SHANK1: variants seen among roughly 807,000 people sequenced by gnomAD.
The protein encoded by SHANK1 is SH3 and multiple ankyrin repeat domains 1.
SHANK1 carries 35 observed loss-of-function variants against 165.6 expected under a neutral mutation model. The ratio of observed to expected loss-of-function variants is 0.21; its 90% confidence interval spans 0.16 to 0.28. SHANK1 has a LOEUF of 0.28. SHANK1 is among the 10% of genes least tolerant of loss of function. The pLI is 1.00. For missense variants in SHANK1, 2,681 were observed against 3,036.4 expected, an observed-to-expected ratio of 0.88 and a Z score of 2.75; for synonymous variants, 1,428 against 1,384.8, an observed-to-expected ratio of 1.03 and a Z score of -0.69.
intron 15 of SHANK1, among the ~76,000 whole-genome samples, chr19:50,696,628 C>T (rs572980024): frequency 7.2e-5 from 11 of 152,114 alleles, no homozygotes; most frequent in African/African-American, 2.4e-4. Context: ...CCTCCTCTGC[C>T]CTTCCCTCCC....
chr19:50,668,604 T>C lies in SHANK1; in HGVS notation c.3356A>G (p.Glu1119Gly). The C allele has an allele frequency of 1.5e-6, 2 of 1,370,898 alleles. No individual in the cohort carries two copies. The highest frequency in any genetic ancestry group is 3.2e-5 in the Admixed American group (1 of 31,238). 84.9% of individuals were successfully genotyped at this position (1,370,898 alleles called of 1,614,324 possible). The change falls in exon 23 of 24, where the codon GAG becomes GGG. Residue 1119 changes from glutamate to glycine, a missense_variant. Transcript: ENST00000293441. ...CGGGAGGCCGCCGCCCTTCTGGGGC[T>C]CGCCTTCCACCTTGGTCTGCTTGAC... ...PLVKQTKVEG[E>G]PQKGGGLPPA...
rs1264591617 is a variant in SHANK1 at position 50,687,546 on chromosome 19, C to A, written c.2389+36G>T. 3 of 1,520,446 alleles carry A rather than the reference C, an allele frequency of 2.0e-6. No homozygotes were observed. In the South Asian group the frequency reaches 3.7e-5, roughly 19 times the overall value. The allele number at this position is 1,520,446 out of a possible 1,614,324, so 94.2% of individuals were successfully genotyped here. A position where few individuals can be genotyped will look rare whatever the true frequency, so the allele number is the denominator to read the frequency against. On this transcript the variant is annotated intron_variant, in intron 19 of 23. Transcript: ENST00000293441. ...GGTCCAGCCCTCCTTCCCCTCTCCCCCCGGCCCCCTGGCCTCAGCAGCCCC... is the reference window on the plus strand; with the variant it reads ...GGTCCAGCCCTCCTTCCCCTCTCCCACCGGCCCCCTGGCCTCAGCAGCCCC...
At position 50,689,990 on chromosome 19, in the gene SHANK1, A is replaced by T. The variant is rs545783777; in HGVS notation, c.1965-711T>A. Among the ~76,000 whole-genome samples the T allele has an allele frequency of 3.2e-3, 494 of 152,294 alleles. 2 individuals are homozygous for T. Among genetic ancestry groups the T allele is most frequent in the African/African-American group, 0.011 (475 of 41,532 alleles). ...ATGAAAGCTAATCAAAATCAAATGG[A>T]AAAATTCAATTCCTCAGTCACAGTG... On this transcript the variant is annotated intron_variant, in intron 15 of 23. Coordinates refer to ENST00000293441, the MANE Select transcript of SHANK1 (RefSeq NM_016148.5).
chr19:50,677,289 A>G lies in SHANK1; in HGVS notation c.2578-5175T>C, dbSNP rs192044912. Among the ~76,000 whole-genome samples the G allele has an allele frequency of 6.8e-3, 1,041 of 152,022 alleles. 7 individuals carry two copies. The highest frequency in any genetic ancestry group is 0.031 in the Middle Eastern group (9 of 294). On this transcript the variant is annotated intron_variant, in intron 21 of 23. Transcript: ENST00000293441. The stretch of plus-strand genomic sequence containing the variant: ...ACTATAGGTTCCCACCACCACACCC[A>G]GCTAATTTTTGTATTTTTAGTAGAG...
In SHANK1 at chr19:50,666,977, T is replaced by G. The variant is rs765336600; in HGVS notation, c.4983A>C (p.Pro1661=). The change falls in exon 23 of 24, where the codon CCA becomes CCC. Residue 1661 remains proline, a synonymous_variant. Coordinates refer to ENST00000293441, the MANE Select transcript of SHANK1 (RefSeq NM_016148.5). ...CAGGCGGAGGGTCCGGGCCAGGCTG[T>G]GGGGCAGCGGGAGCCGGTGCTGCTG... ...PAPAAPAPAA[P]QPGPDPPPGT... is the part of the protein sequence containing the mutation. 6.3e-7 allele frequency: 1 copy of G among 1,581,838 alleles called. No homozygotes were observed. Among genetic ancestry groups the G allele is most frequent in the South Asian group, 1.2e-5 (1 of 86,696 alleles).
Position 50,667,090 on chromosome 19 carries a change from G to C in SHANK1, c.4870C>G (p.Leu1624Val). 4 of 1,559,334 alleles carry C rather than the reference G, an allele frequency of 2.6e-6. No individual in the cohort carries two copies. In the South Asian group the frequency reaches 4.7e-5, roughly 18 times the overall value. ...GCCACCTCGCTGTCATAGGATGTCA[G>C]GCTGGATGCGGTGGAGTCCAGGGTG... ...PPTLDSTASS[L>V]TSYDSEVATL... The change falls in exon 23 of 24, where the codon CTG becomes GTG. Residue 1624 changes from leucine (L) to valine (V), a missense_variant. Physicochemically the swap from Leu to Val is conservative, Grantham distance 32. Around this residue, in one of 10 missense-constraint regions of SHANK1, gnomAD observed 1,713 missense variants for 1,630.2 expected, o/e 1.05. Coordinates refer to ENST00000293441, the MANE Select transcript of SHANK1 (RefSeq NM_016148.5). This position sits in a 1 kb window ranked among gnomAD's most constrained non-coding sequence, Gnocchi z 5.7.
At chr19:50,680,888 T>C (rs1986157366) in intron 21 of SHANK1, among the ~76,000 whole-genome samples, 1 of 152,172 alleles carries the variant, frequency 6.6e-6, no homozygotes, top group African/African-American at 2.4e-5. Context: ...ACTCCTGACC[T>C]CAGGTGATCC....
Position 50,668,033 on chromosome 19 carries a change from G to T in SHANK1, c.3927C>A (p.Gly1309=). 1 of 1,476,886 alleles carries T rather than the reference G, an allele frequency of 6.8e-7. No homozygotes were observed. Among genetic ancestry groups the T allele is most frequent in the East Asian group, 3.0e-5 (1 of 33,576 alleles). The allele number at this position is 1,476,886 out of a possible 1,614,324, so 91.5% of individuals were successfully genotyped here. ...GGCTACCGGCCCCGTAGCCGCCGTA[G>T]CCCGCGCCGCTGCCCGCAGACTCCA... ...LRLESAGSGA[G]YGGYGAGSRA... is the part of the protein sequence containing the mutation. Residue 1309 remains glycine, a synonymous_variant, in exon 23 of 24, where the codon GGC becomes GGA. Coordinates refer to ENST00000293441, the MANE Select transcript of SHANK1 (RefSeq NM_016148.5).
chr19:50,687,506 A>G lies in SHANK1; in HGVS notation c.2389+76T>C, dbSNP rs1435898813. The G allele has an allele frequency of 1.3e-5, 16 of 1,187,774 alleles. No homozygotes were observed. The Admixed American group carries it at 1.6e-4, about 12-fold the overall frequency. The allele number at this position is 1,187,774 out of a possible 1,614,324, so 73.6% of individuals were successfully genotyped here. A position where few individuals can be genotyped will look rare whatever the true frequency, so the allele number is the denominator to read the frequency against. ...GGACCCCTGGTCACTAACAACACTA[A>G]CGAACTCAAGGGATGGTCCAGCCCT... is the stretch of plus-strand genomic sequence containing the variant. On this transcript the variant is annotated intron_variant, in intron 19 of 23. Coordinates refer to ENST00000293441, the MANE Select transcript of SHANK1 (RefSeq NM_016148.5).
intron 15 of SHANK1, among the ~76,000 whole-genome samples, chr19:50,694,887 C>T (rs570932802): frequency 6.6e-6 from 1 of 150,524 alleles, no homozygotes; most frequent in African/African-American, 2.4e-5. Context: ...AAGCAGGAGG[C>T]GGCGCGCTCC....
At chr19:50,698,180 C>T (rs531603124) in intron 12 of SHANK1, among the ~76,000 whole-genome samples, 47 of 148,308 alleles carry the variant, frequency 3.2e-4, no homozygotes, top group Admixed American at 1.7e-3. Flanking sequence ...TTGGGGAAGA[C>T]GACTGTTCCA....
intron 8 of SHANK1, among the ~76,000 whole-genome samples, chr19:50,708,359 C>CA (rs2088969892): frequency 6.6e-6 from 1 of 152,274 alleles, no homozygotes; most frequent in African/African-American, 2.4e-5. Context: ...GTGTGCAAGT[C>CA]AGAGTTGATG....
intron 15 of SHANK1, among the ~76,000 whole-genome samples, chr19:50,693,858 C>T (rs987660463): frequency 6.6e-6 from 1 of 152,106 alleles, no homozygotes; most frequent in Admixed American, 6.5e-5. Flanking sequence ...CATGCACAGA[C>T]CCCCGGGGGC....
Position 50,665,742 on chromosome 19 carries a change from A to AAAAAG in SHANK1, c.5768+449_5768+450insCTTTT, listed in dbSNP as rs566195764. 9.0e-4 allele frequency among the ~76,000 whole-genome samples: 133 copies of AAAAAG among 147,580 alleles called. 2 individuals carry two copies. The highest frequency in any genetic ancestry group is 6.0e-3 in the South Asian group (28 of 4,654). On this transcript the variant is annotated intron_variant, in intron 23 of 23. Coordinates refer to ENST00000293441, the MANE Select transcript of SHANK1 (RefSeq NM_016148.5). ...ACAGAGTGAGACCCTGTTTCTAAAA[A>AAAAAG]AAAAAAAAAAGCCAGGCATGTTGGC...
At position 50,686,919 on chromosome 19, in the gene SHANK1, G is replaced by T; in HGVS notation, c.2390-107C>A. 7.0e-7 allele frequency: 1 copy of T among 1,423,254 alleles called. No homozygotes were observed. The highest frequency in any genetic ancestry group is 9.5e-7 in the Non-Finnish European group (1 of 1,057,736). 88.2% of individuals were successfully genotyped at this position (1,423,254 alleles called of 1,614,324 possible). Reference sequence around the variant, plus strand: ...AGGTGCGGGCCAGTGGGCGTGGCGGGCGCGAGAGGGGCAGTGAGGGGCCGG... The same window carrying T: ...AGGTGCGGGCCAGTGGGCGTGGCGGTCGCGAGAGGGGCAGTGAGGGGCCGG... On this transcript the variant is annotated intron_variant, in intron 19 of 23. Transcript: ENST00000293441. This position sits in a 1 kb window ranked among gnomAD's most constrained non-coding sequence, Gnocchi z 5.7.
intron 21 of SHANK1, among the ~76,000 whole-genome samples, chr19:50,672,555 C>CAAATA (rs1985834473): frequency 2.8e-5 from 1 of 35,508 alleles, no homozygotes; most frequent in Non-Finnish European, 5.4e-5. Flanking sequence ...GACTCTGTCT[C>CAAATA]AAAAAAAAAA....
intron 21 of SHANK1, among the ~76,000 whole-genome samples, chr19:50,685,687 G>T (rs1986309963): frequency 6.6e-6 from 1 of 152,122 alleles, no homozygotes; most frequent in East Asian, 1.9e-4. Context: ...TTGCCCCACT[G>T]CACTCCAGCC....
At chr19:50,664,958 C>T (rs1018321080) in intron 23 of SHANK1, among the ~76,000 whole-genome samples, 10 of 152,118 alleles carry the variant, frequency 6.6e-5, no homozygotes, top group South Asian at 2.1e-4. Context: ...GGGGTTTCAC[C>T]GTGTTAGCCA....
chr19:50,715,675 G>A lies in SHANK1; in HGVS notation c.515C>T (p.Ala172Val). Reference sequence around the variant, plus strand: ...TTTTCTCACCTTCGTGTGCAACTTGGCCAGCTGCTTCTCATCCAGGTTGGT... The same window carrying A: ...TTTTCTCACCTTCGTGTGCAACTTGACCAGCTGCTTCTCATCCAGGTTGGT... ...KQTNLDEKQL[A>V]KLHTKTGLKK... is the part of the protein sequence containing the mutation. The change falls in exon 4 of 24, where the codon GCC becomes GTC. Residue 172 changes from alanine to valine, a missense_variant. Physicochemically the swap from Ala to Val is moderately conservative, Grantham distance 64. Coordinates refer to ENST00000293441, the MANE Select transcript of SHANK1 (RefSeq NM_016148.5). 1 of 1,614,054 alleles carries A rather than the reference G, an allele frequency of 6.2e-7. No homozygotes were observed. The highest frequency in any genetic ancestry group is 8.5e-7 in the Non-Finnish European group (1 of 1,179,984).
Sources: allele counts gnomAD v4.1 joint callset (sites outside exome capture counted in the v4.1 genomes callset), GRCh38; gene constraint gnomAD v4.1.1; regional missense constraint gnomAD v4.1.1; non-coding constraint Gnocchi (gnomAD v3.1); transcripts MANE v1.5; gene names NCBI Gene and HGNC (gene_info 2026-07-23, HGNC 2026-07-21).